The following ATXN7L1 variants were observed in gnomAD, a reference collection of about 807,000 sequenced individuals.
ATXN7L1 encodes the protein ataxin-7-like protein 1.
In ATXN7L1, 15 loss-of-function variants were observed where a neutral mutation model predicts 70.8. That is an observed-to-expected ratio of 0.21 (90% CI 0.14 to 0.33). The LOEUF (loss-of-function observed/expected upper bound fraction) is 0.33. ATXN7L1 is among the 10% of genes least tolerant of loss of function. ATXN7L1 has a pLI of 1.00. For synonymous variants in ATXN7L1, 440 were observed against 445.1 expected (o/e 0.99, Z 0.14); for missense variants, 975 against 1,097.1 (o/e 0.89, Z 1.57).
At chr7:105,773,818 A>G (rs1434262436) in intron 3 of ATXN7L1, among the ~76,000 whole-genome samples, 2 of 152,226 alleles carry the variant, frequency 1.3e-5, no homozygotes, top group Non-Finnish European at 2.9e-5. Context: ...AACATTGATC[A>G]AATCACATTG....
intron 5 of ATXN7L1, among the ~76,000 whole-genome samples, chr7:105,641,512 C>T (rs553363508): frequency 8.7e-4 from 132 of 152,316 alleles, no homozygotes; most frequent in African/African-American, 2.6e-3. Context: ...AAACAATGTG[C>T]GGCAAAAAAA....
intron 9 of ATXN7L1, among the ~76,000 whole-genome samples, chr7:105,619,140 G>GTTTTTCTTTTTTTTTTTTTTT (rs1794384009): frequency 2.0e-5 from 1 of 49,846 alleles, no homozygotes; most frequent in Admixed American, 4.0e-4. Flanking sequence ...GAAATCTTTA[G>GTTTTTCTTTTTTTTTTTTTTT]TTTTTTTTTT....
chr7:105,874,645 G>A (rs943776265), intron 2 of ATXN7L1, among the ~76,000 whole-genome samples: 15 of 152,174 alleles, frequency 9.9e-5, no homozygotes, highest in African/African-American at 3.6e-4. Context: ...GAATATGTAC[G>A]CATTTTAACC....
chr7:105,829,148 G>A (rs1237028381), intron 2 of ATXN7L1, among the ~76,000 whole-genome samples: 9 of 152,148 alleles, frequency 5.9e-5, no homozygotes, highest in South Asian at 2.1e-4. Flanking sequence ...TGGGCCAGGC[G>A]CTGTGGCTCA....
chr7:105,612,380 G>A (rs1240968286), intron 10 of ATXN7L1, among the ~76,000 whole-genome samples: 1 of 152,220 alleles, frequency 6.6e-6, no homozygotes, highest in Non-Finnish European at 1.5e-5. Flanking sequence ...TAAAATGAGT[G>A]AGATACCACG....
chr7:105,652,663 C>A (rs1800032088), intron 4 of ATXN7L1, among the ~76,000 whole-genome samples: 1 of 152,240 alleles, frequency 6.6e-6, no homozygotes, highest in South Asian at 2.1e-4. Context: ...GGAGACAGGG[C>A]AACTCCTTAC....
At chr7:105,648,423 A>G (rs566415578) in intron 4 of ATXN7L1, among the ~76,000 whole-genome samples, 1 of 152,318 alleles carries the variant, frequency 6.6e-6, no homozygotes, top group African/African-American at 2.4e-5. Flanking sequence ...TATACACGCT[A>G]GCCATCGGGC....
chr7:105,776,038 A>T (rs1439795820), intron 3 of ATXN7L1, among the ~76,000 whole-genome samples: 1 of 152,286 alleles, frequency 6.6e-6, no homozygotes, highest in Non-Finnish European at 1.5e-5. Context: ...TTCTCTGCTT[A>T]TGGCTCAGGA....
chr7:105,845,376 A>T (rs1813860484), intron 2 of ATXN7L1, among the ~76,000 whole-genome samples: 1 of 152,086 alleles, frequency 6.6e-6, no homozygotes, highest in South Asian at 2.1e-4. Flanking sequence ...GAAACTATAA[A>T]TACAGTTGAC....
chr7:105,866,618 T>C (rs749681754), intron 2 of ATXN7L1, among the ~76,000 whole-genome samples: 4 of 152,184 alleles, frequency 2.6e-5, no homozygotes, highest in African/African-American at 9.7e-5. Flanking sequence ...TTTGGCAGTC[T>C]GAGCTCTACC....
chr7:105,858,883 A>G (rs1347890500), intron 2 of ATXN7L1, among the ~76,000 whole-genome samples: 2 of 151,854 alleles, frequency 1.3e-5, no homozygotes, highest in Admixed American at 6.6e-5. Context: ...ATTTATATAT[A>G]AAAATATGTA....
At chr7:105,718,985 G>A (rs760347596) in intron 3 of ATXN7L1, among the ~76,000 whole-genome samples, 7 of 152,196 alleles carry the variant, frequency 4.6e-5, no homozygotes, top group Non-Finnish European at 8.8e-5. Flanking sequence ...GGGAAGCAAG[G>A]GGCCTGTTGT....
chr7:105,610,533 C>G lies in ATXN7L1; in HGVS notation c.2543G>C (p.Arg848Pro). The G allele has an allele frequency of 6.4e-7, 1 of 1,550,712 alleles. No homozygotes were observed. The highest frequency in any genetic ancestry group is 8.7e-7 in the Non-Finnish European group (1 of 1,146,488). ...CCCCCACCCTCAGTAACTTACCTGTCGGCTGTGTCCTGGGCTGGATATACT... is the reference window on the plus strand; with the variant it reads ...CCCCCACCCTCAGTAACTTACCTGTGGGCTGTGTCCTGGGCTGGATATACT... ...PSSISSPGHSRQNTNRTGRIR... is the reference protein window; with the variant it reads ...PSSISSPGHSPQNTNRTGRIR... Residue 848 changes from arginine (R) to proline (P), a missense_variant, in exon 11 of 12, where the codon CGA (arginine) becomes CCA (proline). Transcript: ENST00000419735.
chr7:105,790,669 T>TATC (rs1160137038), intron 2 of ATXN7L1, among the ~76,000 whole-genome samples: 6 of 131,354 alleles, frequency 4.6e-5, no homozygotes, highest in South Asian at 2.5e-4. Context: ...ATCTACTATC[T>TATC]ATCTACTATC....
At position 105,639,458 on chromosome 7, in the gene ATXN7L1, G is replaced by C. The variant is rs1275508203; in HGVS notation, c.945+29C>G. 3.3e-6 allele frequency: 5 copies of C among 1,521,926 alleles called. No homozygotes were observed. In the East Asian group the frequency reaches 1.2e-4, roughly 37 times the overall value. 94.3% of individuals were successfully genotyped at this position (1,521,926 alleles called of 1,614,324 possible). Reference sequence around the variant, plus strand: ...TTCGACAAAGGCCCCAGCGAGAGCAGGAAGTATTTTTTATGGAAAGAGAAA... The same window carrying C: ...TTCGACAAAGGCCCCAGCGAGAGCACGAAGTATTTTTTATGGAAAGAGAAA... On this transcript the variant is annotated intron_variant, in intron 6 of 11. Coordinates refer to ENST00000419735, the MANE Select transcript of ATXN7L1 (RefSeq NM_020725.2).
chr7:105,715,057 T>C (rs1265842450), intron 3 of ATXN7L1, among the ~76,000 whole-genome samples: 2 of 152,190 alleles, frequency 1.3e-5, no homozygotes, highest in Non-Finnish European at 2.9e-5. Flanking sequence ...GCTGTCCATG[T>C]CACCCATGGG....
Position 105,705,103 on chromosome 7 carries a change from C to A in ATXN7L1, c.356-39815G>T, listed in dbSNP as rs1231519345. On this transcript the variant is annotated intron_variant, in intron 3 of 11. Coordinates refer to ENST00000419735, the MANE Select transcript of ATXN7L1 (RefSeq NM_020725.2). ...GCAATGGTATGATCTTGGCTCACTG[C>A]AACCTCCTCCTCCTGGGTTCAAACA... 2.0e-5 allele frequency among the ~76,000 whole-genome samples: 3 copies of A among 152,214 alleles called. No homozygotes were observed. In the South Asian group the frequency reaches 6.2e-4, roughly 32 times the overall value.
chr7:105,714,893 G>A (rs1470252966), intron 3 of ATXN7L1, among the ~76,000 whole-genome samples: 4 of 152,124 alleles, frequency 2.6e-5, no homozygotes, highest in African/African-American at 9.7e-5. Context: ...TTGAACTCCT[G>A]ACCTCAGGTG....
chr7:105,641,214 C>CTCTCTTTTTTTT lies in ATXN7L1; in HGVS notation c.862+1623_862+1624insAAAAAAAAGAGA, dbSNP rs1316374331. On this transcript the variant is annotated intron_variant, in intron 5 of 11. Transcript: ENST00000419735. ...GCCTTTTCTCTCTCTCTCTCTCTCT[C>CTCTCTTTTTTTT]TTTTTTTTTTTTTTTTTTTTTTTTT... Among the ~76,000 whole-genome samples, 9 of 21,792 alleles carry CTCTCTTTTTTTT rather than the reference C, an allele frequency of 4.1e-4. 1 individual carries two copies. The highest frequency in any genetic ancestry group is 6.9e-4 in the Non-Finnish European group (8 of 11,650). 14.3% of individuals were successfully genotyped at this position (21,792 alleles called of 152,430 possible). A position where few individuals can be genotyped will look rare whatever the true frequency, so the allele number is the denominator to read the frequency against.
Sources: gnomAD v4.1 joint callset for allele counts (sites outside exome capture counted in the v4.1 genomes callset) on GRCh38, gnomAD v4.1.1 for gene constraint, MANE v1.5 for transcripts, NCBI Gene and HGNC (gene_info 2026-07-23, HGNC 2026-07-21) for gene names.